Variants in BMP3 observed in about 807,000 individuals in gnomAD.
The protein encoded by BMP3 is bone morphogenetic protein 3.
BMP3 carries 23 observed loss-of-function variants against 38.1 expected under a neutral mutation model. The observed-to-expected ratio is 0.60, with a 90% confidence interval of 0.43 to 0.86. BMP3 has a LOEUF of 0.86. Ranked by LOEUF, BMP3 falls within the 40% of genes least tolerant of loss-of-function variation. BMP3 has a pLI of 0.00. For missense variants in BMP3, 628 were observed against 579.6 expected (o/e 1.08, Z -0.86); for synonymous variants, 258 against 225.7 (o/e 1.14, Z -1.28).
intron 2 of BMP3, 109 bp downstream of exon 2, chr4:81,046,757 A>G: frequency 3.9e-6 from 5 of 1,281,142 alleles, no homozygotes; most frequent in Non-Finnish European, 3.2e-6. Context: ...TTGTGTTTCC[A>G]TTTGCAAAAT....
At chr4:81,034,434 T>C (rs1226132903) in intron 1 of BMP3, among the ~76,000 whole-genome samples, 1 of 152,224 alleles carries the variant, frequency 6.6e-6, no homozygotes, top group East Asian at 1.9e-4. Context: ...CTGGCTACTA[T>C]ATGATAAAGA....
In BMP3 at chr4:81,045,885, A is replaced by G. The variant is rs768737466; in HGVS notation, c.464A>G (p.His155Arg). Residue 155 changes from histidine (H) to arginine (R), a missense_variant, in exon 2 of 3, where the codon CAT becomes CGT. Coordinates refer to ENST00000282701, the MANE Select transcript of BMP3 (RefSeq NM_001201.5). ...SCPVSGGCSH[H>R]AQRKHIQIDL... is the part of the protein sequence containing the mutation. ...CCAGTGTCTGGAGGATGCTCCCATC[A>G]TGCTCAGAGGAAACACATTCAGATT... is the stretch of plus-strand genomic sequence containing the variant. 6.8e-6 allele frequency: 11 copies of G among 1,614,052 alleles called. No individual in the cohort carries two copies. In the Admixed American group the frequency reaches 1.3e-4, roughly 20 times the overall value.
In BMP3 at chr4:81,046,288, C is replaced by T; in HGVS notation, c.867C>T (p.Arg289=). 6.2e-7 allele frequency: 1 copy of T among 1,614,062 alleles called. No individual in the cohort carries two copies. The highest frequency in any genetic ancestry group is 1.1e-5 in the South Asian group (1 of 91,078). The stretch of plus-strand genomic sequence containing the variant: ...TTTCCATTGAGCGGAGGAAGAAGCG[C>T]TCTACTGGGGTCTTGCTGCCTCTGC... The part of the protein sequence containing the change: ...AALSIERRKK[R]STGVLLPLQN... The change falls in exon 2 of 3, where the codon CGC becomes CGT. Residue 289 remains arginine (R), a synonymous_variant. Transcript: ENST00000282701.
Position 81,031,491 on chromosome 4 carries a change from G to A in BMP3, c.207G>A (p.Thr69=). 1 of 1,612,988 alleles carries A rather than the reference G, an allele frequency of 6.2e-7. No individual in the cohort carries two copies. Among genetic ancestry groups the A allele is most frequent in the Non-Finnish European group, 8.5e-7 (1 of 1,179,602 alleles). Residue 69 remains threonine, a synonymous_variant, in exon 1 of 3, where the codon ACG becomes ACA. Coordinates refer to ENST00000282701, the MANE Select transcript of BMP3 (RefSeq NM_001201.5). ...TGCGGCTCTATGACAGGTACAGCAC[G>A]GTCCAGGCGGCCCGGACACCGGGCT... ...HMLRLYDRYS[T]VQAARTPGSL... is the part of the protein sequence containing the mutation.
At position 81,053,890 on chromosome 4, in the gene BMP3, C is replaced by A. The variant is rs1341311167; in HGVS notation, c.*354C>A. 6.4e-6 allele frequency: 1 copy of A among 157,210 alleles called. No individual in the cohort carries two copies. The highest frequency in any genetic ancestry group is 6.5e-5 in the Admixed American group (1 of 15,348). 9.7% of individuals were successfully genotyped at this position (157,210 alleles called of 1,614,324 possible). A position where few individuals can be genotyped will look rare whatever the true frequency, so the allele number is the denominator to read the frequency against. On this transcript the variant is annotated 3_prime_UTR_variant, in exon 3 of 3. Coordinates refer to ENST00000282701, the MANE Select transcript of BMP3 (RefSeq NM_001201.5). ...GAATGGAGAAGCAGCAATAGCTTGT[C>A]ATTTATCTCATTTAATGACTAATGG...
At chr4:81,045,651 G>A (rs1232329846) in intron 1 of BMP3, 87 bp from the exon 2 acceptor site, 2 of 1,160,230 alleles carry the variant, frequency 1.7e-6, no homozygotes, top group East Asian at 4.9e-5. Context: ...TTATATATAG[G>A]TTTCTGATTC....
At chr4:81,036,171 A>C (rs992442442) in intron 1 of BMP3, among the ~76,000 whole-genome samples, 2 of 151,928 alleles carry the variant, frequency 1.3e-5, no homozygotes, top group African/African-American at 4.8e-5. Flanking sequence ...TGTTTCACAC[A>C]GGTATTATGC....
intron 1 of BMP3, among the ~76,000 whole-genome samples, chr4:81,032,931 C>A (rs1040078040): frequency 8.5e-5 from 13 of 152,210 alleles, no homozygotes; most frequent in Non-Finnish European, 1.6e-4. Context: ...GAAAAAGAAA[C>A]CTGCTCTGTG....
chr4:81,040,120 A>C (rs1309986094), intron 1 of BMP3, among the ~76,000 whole-genome samples: 5 of 152,206 alleles, frequency 3.3e-5, no homozygotes, highest in African/African-American at 1.2e-4. Context: ...TTCAATTCTC[A>C]GGTGTTAAAA....
At position 81,046,069 on chromosome 4, in the gene BMP3, C is replaced by T. The variant is rs778916024; in HGVS notation, c.648C>T (p.Leu216=). 6.2e-7 allele frequency: 1 copy of T among 1,614,022 alleles called. No individual in the cohort carries two copies. Among genetic ancestry groups the T allele is most frequent in the African/African-American group, 1.3e-5 (1 of 74,920 alleles). The change falls in exon 2 of 3, where the codon CTC becomes CTT. Residue 216 remains leucine (L), a synonymous_variant. Transcript: ENST00000282701. ...AGGCCAAAGAAAATGAAGAGTTCCT[C>T]ATAGGATTTAACATTACGTCCAAGG... is the stretch of plus-strand genomic sequence containing the variant. ...LRKAKENEEF[L]IGFNITSKGR... is the part of the protein sequence containing the mutation.
chr4:81,048,121 G>A (rs941997315), intron 2 of BMP3, among the ~76,000 whole-genome samples: 2 of 151,984 alleles, frequency 1.3e-5, no homozygotes, highest in Admixed American at 6.6e-5. Context: ...CACAAAGTAC[G>A]AATTCTATAC....
chr4:81,034,439 T>C (rs1739866651), intron 1 of BMP3, among the ~76,000 whole-genome samples: 1 of 152,190 alleles, frequency 6.6e-6, no homozygotes, highest in South Asian at 2.1e-4. Context: ...TACTATATGA[T>C]AAAGAAGAAT....
rs1214304649 is a variant in BMP3 at position 81,030,741 on chromosome 4, ACG to A, written c.-528_-527del. Reference sequence around the variant, plus strand: ...CTCATACACACACACACACGCACACACGCGCGCGCGCGCGCGCACACACACAC... The same window carrying A: ...CTCATACACACACACACACGCACACACGCGCGCGCGCGCGCACACACACAC... On this transcript the variant is annotated 5_prime_UTR_variant, in exon 1 of 3. Transcript: ENST00000282701. Among the ~76,000 whole-genome samples, 217 of 150,968 alleles carry A rather than the reference ACG, an allele frequency of 1.4e-3. 1 individual carries two copies. Among genetic ancestry groups the A allele is most frequent in the African/African-American group, 4.6e-3 (188 of 41,312 alleles).
intron 1 of BMP3, among the ~76,000 whole-genome samples, chr4:81,039,449 A>T (rs1329234672): frequency 6.6e-6 from 1 of 152,144 alleles, no homozygotes; most frequent in Non-Finnish European, 1.5e-5. Flanking sequence ...CACAAAGGTG[A>T]ACTTCCCCTT....
chr4:81,047,947 G>GAAAAAA (rs3042535), intron 2 of BMP3, among the ~76,000 whole-genome samples: 5 of 91,552 alleles, frequency 5.5e-5, no homozygotes, highest in African/African-American at 1.6e-4. Flanking sequence ...ACTCTGAAGA[G>GAAAAAA]AAAAAAAAAA....
chr4:81,046,158 A>G lies in BMP3; in HGVS notation c.737A>G (p.Asp246Gly). Residue 246 changes from aspartate (D) to glycine (G), a missense_variant, in exon 2 of 3, where the codon GAT becomes GGT. By Grantham distance (94) the Asp-to-Gly change is moderately conservative. Transcript: ENST00000282701. Reference protein sequence around the residue: ...PEPYILVYANDAAISEPESVV... With the variant: ...PEPYILVYANGAAISEPESVV... ...CCTTATATCTTGGTATATGCCAATG[A>G]TGCCGCCATTTCTGAGCCAGAAAGT... 1 of 1,614,116 alleles carries G rather than the reference A, an allele frequency of 6.2e-7. No homozygotes were observed. The highest frequency in any genetic ancestry group is 1.1e-5 in the South Asian group (1 of 91,082).
chr4:81,031,451 T>G lies in BMP3; in HGVS notation c.167T>G (p.Val56Gly), dbSNP rs766333086. 6 of 1,613,346 alleles carry G rather than the reference T, an allele frequency of 3.7e-6. No homozygotes were observed. The South Asian group carries it at 5.5e-5, about 15-fold the overall frequency. Residue 56 changes from valine to glycine, a missense_variant, in exon 1 of 3, where the codon GTC becomes GGC. Transcript: ENST00000282701. ...PDSELQPQDK[V>G]SEHMLRLYDR... ...TCCGAGCTGCAGCCGCAAGACAAGGTCTCTGAACACATGCTGCGGCTCTAT... is the reference window on the plus strand; with the variant it reads ...TCCGAGCTGCAGCCGCAAGACAAGGGCTCTGAACACATGCTGCGGCTCTAT...
chr4:81,038,308 G>T (rs1739975773), intron 1 of BMP3, among the ~76,000 whole-genome samples: 1 of 152,096 alleles, frequency 6.6e-6, no homozygotes, highest in African/African-American at 2.4e-5. Context: ...TAATAAATTT[G>T]CTAGAAGAAA....
In BMP3 at chr4:81,045,970, G is replaced by A; in HGVS notation, c.549G>A (p.Leu183=). Residue 183 remains leucine, a synonymous_variant, in exon 2 of 3, where the codon CTG becomes CTA. Coordinates refer to ENST00000282701, the MANE Select transcript of BMP3 (RefSeq NM_001201.5). ...ACCAAAGTCAACTCCTTGGCCATCT[G>A]TCAGTGGATATGGCCAAATCTCATC... ...SRNQSQLLGH[L]SVDMAKSHRD... 1.2e-6 allele frequency: 2 copies of A among 1,614,060 alleles called. No individual in the cohort carries two copies. The highest frequency in any genetic ancestry group is 1.7e-5 in the Admixed American group (1 of 60,006).
Sources: gnomAD v4.1 joint callset for allele counts (sites outside exome capture counted in the v4.1 genomes callset) on GRCh38, gnomAD v4.1.1 for gene constraint, MANE v1.5 for transcripts, NCBI Gene and HGNC (gene_info 2026-07-23, HGNC 2026-07-21) for gene names.